The following ZBTB7C variants were observed in gnomAD, a reference collection of about 807,000 sequenced individuals.
ZBTB7C encodes zinc finger and BTB domain-containing protein 7C.
Under a neutral mutation model 25.7 loss-of-function variants are expected in ZBTB7C, and 8 were observed. The observed-to-expected ratio is 0.31, with a 90% CI of 0.18 to 0.56. ZBTB7C has a LOEUF of 0.56. Ranked by LOEUF, ZBTB7C falls within the 20% of genes least tolerant of loss-of-function variation. The pLI is 0.91. For missense variants in ZBTB7C, 824 were observed against 855.2 expected (o/e 0.96, Z 0.46); for synonymous variants, 394 against 369.0 (o/e 1.07, Z -0.78).
At chr18:48,038,962 T>C (rs944468069) in intron 4 of ZBTB7C, among the ~76,000 whole-genome samples, 3 of 152,146 alleles carry the variant, frequency 2.0e-5, no homozygotes, top group African/African-American at 7.2e-5. Flanking sequence ...ATAGCACCAA[T>C]GGGCCGTATT....
intron 3 of ZBTB7C, among the ~76,000 whole-genome samples, chr18:48,164,863 C>G (rs566695653): frequency 1.1e-3 from 162 of 152,138 alleles, no homozygotes; most frequent in Non-Finnish European, 2.0e-3. Flanking sequence ...GTCCTCACCA[C>G]GAGCCCCCAC....
In ZBTB7C at chr18:48,029,094, T is replaced by C. The variant is rs2035613097; in HGVS notation, c.*166A>G. 2 of 1,053,994 alleles carry C rather than the reference T, an allele frequency of 1.9e-6. No homozygotes were observed. The highest frequency in any genetic ancestry group is 2.6e-6 in the Non-Finnish European group (2 of 779,072). 65.3% of individuals were successfully genotyped at this position (1,053,994 alleles called of 1,614,324 possible). A position where few individuals can be genotyped will look rare whatever the true frequency, so the allele number is the denominator to read the frequency against. On this transcript the variant is annotated 3_prime_UTR_variant, in exon 5 of 5. Transcript: ENST00000590800. ...TCTCAGACCAGCAAAAGGAGGCAGC[T>C]GCTTTAGGAGCCCGGGAAAATGCCA...
rs75240572 is a variant in ZBTB7C, at chr18:48,065,019, C to T, written c.-16-23896G>A. ...TTAACCGCCAAACATCTAACATGTC[C>T]TTTTGGTTGGGAGAGGCCCTGTGGG... On this transcript the variant is annotated intron_variant, in intron 3 of 4. Transcript: ENST00000590800. Among the ~76,000 whole-genome samples, 71 of 152,314 alleles carry T rather than the reference C, an allele frequency of 4.7e-4. 1 individual carries two copies. The East Asian group carries it at 0.013, about 28-fold the overall frequency.
chr18:48,321,704 T>G (rs1598867096), intron 2 of ZBTB7C, among the ~76,000 whole-genome samples: 1 of 152,056 alleles, frequency 6.6e-6, no homozygotes, highest in South Asian at 2.1e-4. Context: ...GATTTACACT[T>G]CCCCTGCGTC....
intron 3 of ZBTB7C, among the ~76,000 whole-genome samples, chr18:48,073,665 C>A (rs1002035039): frequency 2.0e-5 from 3 of 152,200 alleles, no homozygotes; most frequent in Non-Finnish European, 2.9e-5. Flanking sequence ...CCTCTCCCCC[C>A]ACCCAAGAAG....
intron 2 of ZBTB7C, among the ~76,000 whole-genome samples, chr18:48,283,266 A>T (rs975247926): frequency 1.3e-5 from 2 of 152,178 alleles, no homozygotes; most frequent in African/African-American, 4.8e-5. Context: ...AATAGCCTAA[A>T]TGTTGAGCAA....
chr18:48,248,616 G>A (rs966268979), intron 2 of ZBTB7C, among the ~76,000 whole-genome samples: 1 of 151,810 alleles, frequency 6.6e-6, no homozygotes, highest in Admixed American at 6.6e-5. Flanking sequence ...TTTGCTTATT[G>A]TCTCTCTTCT....
At chr18:48,062,940 G>A (rs2037178920) in intron 3 of ZBTB7C, among the ~76,000 whole-genome samples, 1 of 152,184 alleles carries the variant, frequency 6.6e-6, no homozygotes, top group Non-Finnish European at 1.5e-5. Context: ...CCCGCATTTT[G>A]CCTTCACCTG....
At chr18:48,334,509 C>G (rs375607657) in intron 2 of ZBTB7C, among the ~76,000 whole-genome samples, 38 of 152,316 alleles carry the variant, frequency 2.5e-4, no homozygotes, top group African/African-American at 8.9e-4. Flanking sequence ...GTCTCAATAA[C>G]ATTTGATAAC....
chr18:48,118,963 C>T (rs1016405933), intron 3 of ZBTB7C, among the ~76,000 whole-genome samples: 2 of 151,988 alleles, frequency 1.3e-5, no homozygotes, highest in African/African-American at 2.4e-5. Flanking sequence ...CTTCTTTTAC[C>T]TTTATGATTT....
At position 48,167,563 on chromosome 18, in the gene ZBTB7C, G is replaced by GGGGT. The variant is rs1555705394; in HGVS notation, c.-17+18370_-17+18371insACCC. ...TAAATGCAGGCCACTGCATTGCTAGGGTGTGTGTGTGTGTGTGTGTGTGTG... is the reference window on the plus strand; with the variant it reads ...TAAATGCAGGCCACTGCATTGCTAGGGGGTGTGTGTGTGTGTGTGTGTGTGTGTG... On this transcript the variant is annotated intron_variant, in intron 3 of 4. Transcript: ENST00000590800. Among the ~76,000 whole-genome samples the GGGGT allele has an allele frequency of 1.8e-3, 255 of 142,574 alleles. 1 individual carries two copies. The highest frequency in any genetic ancestry group is 4.7e-3 in the African/African-American group (177 of 37,996). 93.5% of individuals were successfully genotyped at this position (142,574 alleles called of 152,430 possible). A position where few individuals can be genotyped will look rare whatever the true frequency, so the allele number is the denominator to read the frequency against.
chr18:48,119,432 C>T (rs937844304), intron 3 of ZBTB7C, among the ~76,000 whole-genome samples: 6 of 152,252 alleles, frequency 3.9e-5, no homozygotes, highest in African/African-American at 1.4e-4. Flanking sequence ...CATGGAAGAC[C>T]TGCGTTCCAC....
chr18:48,030,199 G>A (rs1349964365), intron 4 of ZBTB7C, among the ~76,000 whole-genome samples: 1 of 152,148 alleles, frequency 6.6e-6, no homozygotes, highest in Non-Finnish European at 1.5e-5. Flanking sequence ...CTCTATTAGG[G>A]GTTTATCTCA....
chr18:48,287,153 A>T (rs536877789), intron 2 of ZBTB7C, among the ~76,000 whole-genome samples: 1 of 146,162 alleles, frequency 6.8e-6, no homozygotes, highest in African/African-American at 2.5e-5. Context: ...ACAAAGAGAA[A>T]CAAGTTATAT....
intron 3 of ZBTB7C, among the ~76,000 whole-genome samples, chr18:48,114,632 G>T (rs918709310): frequency 2.0e-5 from 3 of 151,948 alleles, no homozygotes; most frequent in Non-Finnish European, 4.4e-5. Flanking sequence ...CAGAAGAAAA[G>T]AAAATGTGCA....
At position 48,029,587 on chromosome 18, in the gene ZBTB7C, C is replaced by G. The variant is rs1438765471; in HGVS notation, c.1533G>C (p.Leu511=). The G allele has an allele frequency of 7.4e-6, 11 of 1,484,084 alleles. No individual in the cohort carries two copies. The South Asian group carries it at 1.3e-4, about 18-fold the overall frequency. The allele number at this position is 1,484,084 out of a possible 1,614,324, so 91.9% of individuals were successfully genotyped here. The change falls in exon 5 of 5, where the codon CTG becomes CTC. Residue 511 remains leucine, a synonymous_variant. Coordinates refer to ENST00000590800, the MANE Select transcript of ZBTB7C (RefSeq NM_001318841.2). The part of the protein sequence containing the change: ...DKAAFVMPPA[L]GEVGGHLGGA... ...CGCCCAGGTGGCCGCCCACCTCGCC[C>G]AGCGCAGGGGGCATCACGAAGGCCG...
chr18:48,040,898 G>A lies in ZBTB7C; in HGVS notation c.210C>T (p.Ser70=), dbSNP rs773085243. The stretch of plus-strand genomic sequence containing the variant: ...AGTCGATCTCATAGACGTAGGGCTG[G>A]CTGGCTAGGGTGCCGGCTGTGAAAA... ...KKLFTAGTLA[S]QPYVYEIDFV... Residue 70 remains serine (S), a synonymous_variant, in exon 4 of 5, where the codon AGC becomes AGT. Transcript: ENST00000590800. 6 of 1,614,066 alleles carry A rather than the reference G, an allele frequency of 3.7e-6. No homozygotes were observed. Among genetic ancestry groups the A allele is most frequent in the African/African-American group, 1.3e-5 (1 of 74,924 alleles).
At chr18:48,229,484 C>A (rs2043193391) in intron 2 of ZBTB7C, among the ~76,000 whole-genome samples, 2 of 152,144 alleles carry the variant, frequency 1.3e-5, no homozygotes. Flanking sequence ...CTGATTCAAT[C>A]CCCATTTCCT....
At chr18:48,347,170 A>C (rs1598921333) in intron 1 of ZBTB7C, among the ~76,000 whole-genome samples, 1 of 112,508 alleles carries the variant, frequency 8.9e-6, no homozygotes, top group African/African-American at 3.6e-5. Context: ...TCGCTCTGTT[A>C]CCCAGGCTCA....
Sources: allele counts gnomAD v4.1 joint callset (sites outside exome capture counted in the v4.1 genomes callset), GRCh38; gene constraint gnomAD v4.1.1; transcripts MANE v1.5; gene names NCBI Gene and HGNC (gene_info 2026-07-23, HGNC 2026-07-21).